Variants in RIMS2 observed in about 807,000 individuals in gnomAD.
The protein encoded by RIMS2 is regulating synaptic membrane exocytosis 2, also known as regulating synaptic membrane exocytosis protein 2.
In RIMS2, 59 loss-of-function variants were observed where a neutral mutation model predicts 174.4. The observed-to-expected ratio is 0.34, with a 90% CI of 0.27 to 0.42. RIMS2 has a LOEUF of 0.42. Among genes scored for constraint, RIMS2 ranks in the 10% least tolerant of loss-of-function variants. The probability of loss-of-function intolerance (pLI) is 1.00; values close to 1 mark genes in which losing one functional copy is unlikely to be tolerated. For missense variants in RIMS2, 1,620 were observed against 1,666.3 expected (o/e 0.97, Z 0.48); for synonymous variants, 606 against 572.5 (o/e 1.06, Z -0.84).
intron 16 of RIMS2, among the ~76,000 whole-genome samples, chr8:103,986,094 C>T (rs2094340032): frequency 6.6e-6 from 1 of 152,086 alleles, no homozygotes; most frequent in African/African-American, 2.4e-5. Flanking sequence ...TTAAAGTGTT[C>T]TCACACAAAA....
intron 19 of RIMS2, among the ~76,000 whole-genome samples, chr8:104,108,066 C>A (rs950419841): frequency 1.4e-5 from 2 of 147,964 alleles, no homozygotes; most frequent in Non-Finnish European, 3.0e-5. Flanking sequence ...CATTTAGGAA[C>A]AATTTGGTTG....
intron 2 of RIMS2, among the ~76,000 whole-genome samples, chr8:103,706,176 G>A (rs926662240): frequency 6.6e-6 from 1 of 152,084 alleles, no homozygotes; most frequent in Admixed American, 6.6e-5. Context: ...TCAAAGAAAA[G>A]AATCAAGCAA....
In RIMS2 at chr8:103,774,352, A is replaced by G. The variant is rs182668913; in HGVS notation, c.698+7815A>G. Among the ~76,000 whole-genome samples the G allele has an allele frequency of 3.7e-4, 56 of 152,310 alleles. 1 individual carries two copies. Among genetic ancestry groups the G allele is most frequent in the African/African-American group, 1.3e-3 (56 of 41,578 alleles). On this transcript the variant is annotated intron_variant, in intron 3 of 23. Coordinates refer to ENST00000504942, the Ensembl canonical transcript of RIMS2. ...ATTTACTTAAGAGAGATGAAATAAT[A>G]TATCTATAAAATACTTGTATGATAA...
intron 1 of RIMS2, among the ~76,000 whole-genome samples, chr8:103,679,458 G>C (rs1264667228): frequency 6.6e-6 from 1 of 151,904 alleles, no homozygotes; most frequent in Non-Finnish European, 1.5e-5. Flanking sequence ...CTTTTTAAAA[G>C]ATTACTTTAA....
Position 103,727,622 on chromosome 8 carries a change from A to G in RIMS2, c.387+30326A>G, listed in dbSNP as rs1228931583. 2.6e-5 allele frequency among the ~76,000 whole-genome samples: 4 copies of G among 152,304 alleles called. No homozygotes were observed. In the East Asian group the frequency reaches 5.8e-4, roughly 22 times the overall value. On this transcript the variant is annotated intron_variant, in intron 2 of 23. Coordinates refer to ENST00000504942, the Ensembl canonical transcript of RIMS2. ...GGTGCTGGATATAAGTCTTTTGGCA[A>G]GAGATTGGGATCTAGTCTTATTCTT...
At chr8:103,549,904 T>C (rs1846913633) in intron 1 of RIMS2, among the ~76,000 whole-genome samples, 1 of 152,104 alleles carries the variant, frequency 6.6e-6, no homozygotes, top group Non-Finnish European at 1.5e-5. Context: ...AGGGATCAAT[T>C]CAACAAGAAG....
chr8:104,252,475 A>G (rs1240770263), downstream of RIMS2: 1 of 152,086 alleles, frequency 6.6e-6, no homozygotes, highest in East Asian at 2.0e-4. Flanking sequence ...CTTTTTTTGC[A>G]TGGACACAGA....
chr8:103,703,011 TCA>T (rs994615794), intron 2 of RIMS2, among the ~76,000 whole-genome samples: 5 of 150,216 alleles, frequency 3.3e-5, no homozygotes, highest in Non-Finnish European at 5.9e-5. Context: ...AGACAAGATC[TCA>T]GTTTGTCACC....
chr8:103,989,332 G>A (rs1565708047), exon 17 of RIMS2: 1 of 1,612,710 alleles, frequency 6.2e-7, no homozygotes, highest in East Asian at 2.2e-5. Context: ...GGCTTCGAGG[G>A]ACCCGCACTA....
At chr8:103,963,622 C>G (rs917353518) in intron 15 of RIMS2, among the ~76,000 whole-genome samples, 1 of 152,148 alleles carries the variant, frequency 6.6e-6, no homozygotes, top group Non-Finnish European at 1.5e-5. Context: ...CCTACCCCAA[C>G]ACATTCATAG....
chr8:103,687,545 C>T (rs1210308706), intron 1 of RIMS2, among the ~76,000 whole-genome samples: 3 of 151,814 alleles, frequency 2.0e-5, no homozygotes, highest in African/African-American at 7.3e-5. Context: ...CAAAGTCTAC[C>T]CTCTTATGAT....
At chr8:103,643,798 G>A (rs2135593947) in intron 1 of RIMS2, among the ~76,000 whole-genome samples, 1 of 152,106 alleles carries the variant, frequency 6.6e-6, no homozygotes, top group Non-Finnish European at 1.5e-5. Flanking sequence ...GCCTCAGTCT[G>A]TCAATGAGCT....
chr8:103,630,006 G>T (rs6980714), intron 1 of RIMS2, among the ~76,000 whole-genome samples: 17,597 of 151,790 alleles, frequency 0.12, 1,347 homozygotes, highest in Non-Finnish European at 0.17. Context: ...AAAATTTTAA[G>T]AAATATGAGC....
At chr8:104,030,609 C>CTTTTCTGGAACATATCA (rs1162615613) in intron 19 of RIMS2, among the ~76,000 whole-genome samples, 3 of 152,084 alleles carry the variant, frequency 2.0e-5, no homozygotes, top group African/African-American at 7.2e-5. Flanking sequence ...GACCTCCATG[C>CTTTTCTGGAACATATCA]TTTTCTGGAA....
intron 19 of RIMS2, among the ~76,000 whole-genome samples, chr8:104,030,692 T>A (rs927839445): frequency 3.2e-4 from 49 of 152,190 alleles, no homozygotes; most frequent in African/African-American, 1.2e-3. Context: ...TCTCTTTAAA[T>A]AACCATATGG....
At chr8:103,852,505 A>G (rs1219116541) in intron 3 of RIMS2, among the ~76,000 whole-genome samples, 1 of 151,510 alleles carries the variant, frequency 6.6e-6, no homozygotes, top group East Asian at 2.0e-4. Context: ...TATTGCAACC[A>G]GGTTGCAAGC....
chr8:104,007,341 T>C (rs1209499782), intron 17 of RIMS2, among the ~76,000 whole-genome samples: 1 of 152,202 alleles, frequency 6.6e-6, no homozygotes. Context: ...CTTAATTTAT[T>C]ACTTGGAAAT....
At chr8:103,964,584 CT>C (rs2091262532) in intron 15 of RIMS2, among the ~76,000 whole-genome samples, 1 of 151,986 alleles carries the variant, frequency 6.6e-6, no homozygotes, top group Non-Finnish European at 1.5e-5. Context: ...TAAAATGTGT[CT>C]TTTACACATA....
intron 2 of RIMS2, among the ~76,000 whole-genome samples, chr8:103,756,491 A>C (rs2098012006): frequency 6.8e-6 from 1 of 147,656 alleles, no homozygotes; most frequent in East Asian, 2.0e-4. Flanking sequence ...GCTGGAGTGC[A>C]GTGGCACATC....
Sources: allele counts gnomAD v4.1 joint callset (sites outside exome capture counted in the v4.1 genomes callset), GRCh38; gene constraint gnomAD v4.1.1; transcripts MANE v1.5; gene names NCBI Gene and HGNC (gene_info 2026-07-23, HGNC 2026-07-21).